Variants in NPAS3 observed in about 807,000 individuals in gnomAD.
The protein encoded by NPAS3 is neuronal PAS domain-containing protein 3.
NPAS3 carries 14 observed loss-of-function variants against 73.1 expected under a neutral mutation model. That is an observed-to-expected ratio of 0.19 (90% CI 0.13 to 0.30). The LOEUF is 0.30. Among genes scored for constraint, NPAS3 ranks in the 10% least tolerant of loss-of-function variants. The probability of loss-of-function intolerance (pLI) is 1.00; values close to 1 mark genes in which losing one functional copy is unlikely to be tolerated. For missense variants in NPAS3, 1,096 were observed against 1,250.0 expected (o/e 0.88, Z 1.86); for synonymous variants, 620 against 541.5 (o/e 1.14, Z -2.01).
chr14:33,340,923 C>A (rs1270171360), intron 3 of NPAS3, among the ~76,000 whole-genome samples: 2 of 152,228 alleles, frequency 1.3e-5, no homozygotes, highest in Non-Finnish European at 2.9e-5. Context: ...TACCATACCA[C>A]TGTCACCTTA....
chr14:33,529,997 G>A (rs933925184), intron 4 of NPAS3, among the ~76,000 whole-genome samples: 10 of 152,156 alleles, frequency 6.6e-5, no homozygotes, highest in Non-Finnish European at 1.5e-4. Flanking sequence ...CGGTGAACAG[G>A]CCTTGGAACA....
At chr14:33,635,592 T>G (rs1477459741) in intron 5 of NPAS3, among the ~76,000 whole-genome samples, 1 of 152,122 alleles carries the variant, frequency 6.6e-6, no homozygotes, top group Non-Finnish European at 1.5e-5. Context: ...TCCCTGAGCC[T>G]CCATTTTGAA....
chr14:33,215,072 A>T (rs2047170252), intron 2 of NPAS3, 110 bp from the exon 3 acceptor site: 1 of 1,150,504 alleles, frequency 8.7e-7, no homozygotes, highest in East Asian at 2.4e-5. Context: ...GTTTTGAAAT[A>T]GTTTTTGGTA....
chr14:33,676,155 A>C, intron 5 of NPAS3, 56 bp from the exon 6 acceptor site: 2 of 1,559,558 alleles, frequency 1.3e-6, no homozygotes, highest in Non-Finnish European at 1.8e-6. Flanking sequence ...GTTGAATTTG[A>C]AAATGGAGAA....
chr14:33,086,373 T>C (rs2042025896), intron 2 of NPAS3, among the ~76,000 whole-genome samples: 1 of 152,154 alleles, frequency 6.6e-6, no homozygotes, highest in Non-Finnish European at 1.5e-5. Flanking sequence ...AATTAAAAAC[T>C]TTTAAAAGTT....
At chr14:33,300,340 G>A (rs941426102) in intron 3 of NPAS3, among the ~76,000 whole-genome samples, 2 of 152,194 alleles carry the variant, frequency 1.3e-5, no homozygotes, top group East Asian at 3.8e-4. Flanking sequence ...TAGTAAAACA[G>A]CTTGCTTTCA....
intron 4 of NPAS3, among the ~76,000 whole-genome samples, chr14:33,529,255 G>A (rs2053935597): frequency 1.3e-5 from 2 of 152,072 alleles, no homozygotes; most frequent in Admixed American, 6.6e-5. Context: ...GGCACTTTGT[G>A]TGTCTTAACA....
At chr14:33,574,381 C>A (rs141801558) in intron 5 of NPAS3, among the ~76,000 whole-genome samples, 2 of 151,924 alleles carry the variant, frequency 1.3e-5, no homozygotes, top group African/African-American at 4.8e-5. Context: ...GTCAAGTGTC[C>A]GAAAGCTAAA....
chr14:32,945,737 A>G (rs1220432002), intron 1 of NPAS3, among the ~76,000 whole-genome samples: 1 of 152,202 alleles, frequency 6.6e-6, no homozygotes, highest in Non-Finnish European at 1.5e-5. Flanking sequence ...CCTTCATCAG[A>G]TGTTTGGAGA....
intron 5 of NPAS3, among the ~76,000 whole-genome samples, chr14:33,643,671 A>G (rs557237711): frequency 6.6e-6 from 1 of 152,318 alleles, no homozygotes; most frequent in African/African-American, 2.4e-5. Flanking sequence ...ATATTCAGCT[A>G]CTTTGCCACA....
chr14:33,559,685 G>A (rs866195564), intron 4 of NPAS3, among the ~76,000 whole-genome samples: 5 of 152,194 alleles, frequency 3.3e-5, no homozygotes, highest in African/African-American at 1.2e-4. Context: ...AATATTAAAA[G>A]ATCTTAGGAC....
intron 1 of NPAS3, among the ~76,000 whole-genome samples, chr14:33,033,260 C>G (rs1312433804): frequency 6.6e-6 from 1 of 152,094 alleles, no homozygotes; most frequent in Non-Finnish European, 1.5e-5. Context: ...AGGTGGATCA[C>G]TTGACGTCAG....
intron 3 of NPAS3, among the ~76,000 whole-genome samples, chr14:33,314,893 G>C (rs1020118638): frequency 6.6e-6 from 1 of 152,018 alleles, no homozygotes; most frequent in Non-Finnish European, 1.5e-5. Context: ...CTACTGGCTG[G>C]CTAATATTTG....
chr14:33,047,688 GT>G (rs2040557132), intron 1 of NPAS3, among the ~76,000 whole-genome samples: 1 of 152,162 alleles, frequency 6.6e-6, no homozygotes, highest in South Asian at 2.1e-4. Flanking sequence ...ATATAGTAAA[GT>G]TTTTTGGTTT....
chr14:33,678,276 G>C, intron 6 of NPAS3, among the ~76,000 whole-genome samples: 1 of 152,156 alleles, frequency 6.6e-6, no homozygotes. Context: ...AGTTATGCCT[G>C]ATATGGAGCC....
At chr14:33,247,261 A>G (rs1244248391) in intron 3 of NPAS3, among the ~76,000 whole-genome samples, 2 of 152,150 alleles carry the variant, frequency 1.3e-5, no homozygotes, top group African/African-American at 4.8e-5. Flanking sequence ...AGCATTGTAA[A>G]TACCATTTCA....
intron 2 of NPAS3, among the ~76,000 whole-genome samples, chr14:33,202,853 T>A (rs1383497941): frequency 1.3e-5 from 2 of 152,176 alleles, no homozygotes; most frequent in Admixed American, 1.3e-4. Context: ...AAATTCTTTG[T>A]TTAAGCTCAG....
intron 1 of NPAS3, among the ~76,000 whole-genome samples, chr14:32,948,927 A>G (rs1421500262): frequency 3.9e-5 from 6 of 152,060 alleles, no homozygotes; most frequent in South Asian, 2.1e-4. Context: ...CAGGTATGCA[A>G]CTCTTAGACA....
intron 3 of NPAS3, among the ~76,000 whole-genome samples, chr14:33,239,030 A>T (rs1350223832): frequency 6.6e-6 from 1 of 151,926 alleles, no homozygotes; most frequent in South Asian, 2.1e-4. Context: ...TGTGATCAAG[A>T]CTTCAACAGG....
Sources: allele counts gnomAD v4.1 joint callset (sites outside exome capture counted in the v4.1 genomes callset), GRCh38; gene constraint gnomAD v4.1.1; transcripts MANE v1.5; gene names NCBI Gene and HGNC (gene_info 2026-07-23, HGNC 2026-07-21).